Variants in FAM13A observed in about 807,000 individuals in gnomAD.
The protein encoded by FAM13A is family with sequence similarity 13 member A.
Under a neutral mutation model 129.6 loss-of-function variants are expected in FAM13A, and 76 were observed. That is an observed-to-expected ratio of 0.59 (90% CI 0.49 to 0.71). FAM13A has a LOEUF of 0.71. FAM13A is among the 30% of genes least tolerant of loss of function. FAM13A has a pLI of 0.00. For missense variants in FAM13A, 1,108 were observed against 1,249.3 expected (o/e 0.89, Z 1.70); for synonymous variants, 443 against 449.9 (o/e 0.98, Z 0.20).
chr4:88,932,661 T>C (rs567991133), intron 5 of FAM13A, among the ~76,000 whole-genome samples: 1 of 152,366 alleles, frequency 6.6e-6, no homozygotes, highest in East Asian at 1.9e-4. Context: ...AGGAAGTTTC[T>C]GTGATATATC....
rs186831078 is a variant in FAM13A, at chr4:88,944,877, T to C, written c.606-6636A>G. The stretch of plus-strand genomic sequence containing the variant: ...GAGATCATGCCACTGCACTCCAGCC[T>C]CGGCAACAAGAGCGAAACTCTGTCT... On this transcript the variant is annotated intron_variant, in intron 4 of 23. Coordinates refer to ENST00000264344, the MANE Select transcript of FAM13A (RefSeq NM_014883.4). Among the ~76,000 whole-genome samples, 299 of 149,750 alleles carry C rather than the reference T, an allele frequency of 2.0e-3. 1 individual carries two copies. Among genetic ancestry groups the C allele is most frequent in the Admixed American group, 5.6e-3 (83 of 14,926 alleles).
At chr4:88,838,073 C>G (rs1735134900) in intron 7 of FAM13A, among the ~76,000 whole-genome samples, 1 of 152,038 alleles carries the variant, frequency 6.6e-6, no homozygotes, top group Non-Finnish European at 1.5e-5. Context: ...TATAAGTAAT[C>G]TAGAGATGAT....
At chr4:88,988,302 A>G (rs1216748824) in intron 4 of FAM13A, among the ~76,000 whole-genome samples, 1 of 152,206 alleles carries the variant, frequency 6.6e-6, no homozygotes, top group Non-Finnish European at 1.5e-5. Context: ...AACCAAGTAG[A>G]ATGGATGAAG....
At chr4:88,861,380 CAA>C (rs373411738) in intron 6 of FAM13A, among the ~76,000 whole-genome samples, 30,191 of 83,188 alleles carry the variant, frequency 0.36, 2,977 homozygotes, top group East Asian at 0.42. Context: ...GACTCCGTCT[CAA>C]AAAAAAAAAA....
chr4:88,770,520 G>A (rs1427511458), intron 11 of FAM13A, among the ~76,000 whole-genome samples: 2 of 151,872 alleles, frequency 1.3e-5, no homozygotes, highest in African/African-American at 4.8e-5. Flanking sequence ...TCAGATCAAG[G>A]CTAAGAAATA....
At chr4:88,824,014 TA>T (rs1414369071) in intron 7 of FAM13A, among the ~76,000 whole-genome samples, 4 of 152,220 alleles carry the variant, frequency 2.6e-5, no homozygotes, top group African/African-American at 9.6e-5. Context: ...TATTTTTTTT[TA>T]TAGGTAACAC....
chr4:88,863,874 G>A (rs1339859816), intron 6 of FAM13A, among the ~76,000 whole-genome samples: 4 of 152,144 alleles, frequency 2.6e-5, no homozygotes, highest in African/African-American at 4.8e-5. Context: ...AGTCATCAGG[G>A]TAAGTTTCCA....
chr4:89,037,780 A>T (rs1769582146), intron 1 of FAM13A, among the ~76,000 whole-genome samples: 1 of 152,046 alleles, frequency 6.6e-6, no homozygotes, highest in African/African-American at 2.4e-5. Flanking sequence ...TTCTCACAAG[A>T]TCTGGTTGTT....
chr4:88,924,699 C>G (rs1174553067), intron 5 of FAM13A, among the ~76,000 whole-genome samples: 4 of 152,062 alleles, frequency 2.6e-5, no homozygotes, highest in Admixed American at 1.3e-4. Context: ...CCAAAATTGA[C>G]AAATGGGATC....
chr4:89,016,786 C>T (rs368006129), intron 3 of FAM13A, among the ~76,000 whole-genome samples: 16 of 152,100 alleles, frequency 1.1e-4, no homozygotes, highest in African/African-American at 3.9e-4. Context: ...AGGTGCATGC[C>T]TCCACGCCCT....
At chr4:88,938,478 A>G (rs1375655689) in intron 4 of FAM13A, among the ~76,000 whole-genome samples, 1 of 152,224 alleles carries the variant, frequency 6.6e-6, no homozygotes, top group Non-Finnish European at 1.5e-5. Context: ...GGAAGAAGAT[A>G]GAGATGAACA....
intron 7 of FAM13A, among the ~76,000 whole-genome samples, chr4:88,841,004 AAAATGGATCAAAGACCT>A (rs147500033): frequency 0.29 from 41,792 of 143,518 alleles, 6,713 homozygotes; most frequent in African/African-American, 0.46. Flanking sequence ...ATCAAAGACC[AAAATGGATCAAAGACCT>A]AAATGGATCA....
intron 10 of FAM13A, among the ~76,000 whole-genome samples, chr4:88,785,154 A>AT (rs1723715530): frequency 6.6e-6 from 1 of 152,134 alleles, no homozygotes; most frequent in African/African-American, 2.4e-5. Flanking sequence ...CTTCAAGAAT[A>AT]TTTTTTAATT....
At chr4:88,794,588 CTT>C (rs1725787132) in intron 8 of FAM13A, among the ~76,000 whole-genome samples, 1 of 151,810 alleles carries the variant, frequency 6.6e-6, no homozygotes, top group Admixed American at 6.6e-5. Flanking sequence ...CATGTGTTCT[CTT>C]TTCTGTGCGT....
chr4:88,750,668 G>C (rs762303600), intron 14 of FAM13A, 31 bp from the exon 15 acceptor site: 1 of 1,520,196 alleles, frequency 6.6e-7, no homozygotes, highest in South Asian at 1.1e-5. Context: ...GATCAGGACT[G>C]TTCCTGAAAG....
chr4:88,837,443 C>T (rs896878379), intron 7 of FAM13A, among the ~76,000 whole-genome samples: 19 of 150,598 alleles, frequency 1.3e-4, no homozygotes, highest in Middle Eastern at 3.5e-3. Context: ...TTGCCGGGCA[C>T]GGTGGCTCAC....
chr4:88,756,658 G>A (rs567185798), intron 14 of FAM13A, among the ~76,000 whole-genome samples: 1 of 152,168 alleles, frequency 6.6e-6, no homozygotes, highest in African/African-American at 2.4e-5. Context: ...ACAAATTCGT[G>A]CAAAGTTTAT....
intron 6 of FAM13A, among the ~76,000 whole-genome samples, chr4:88,857,696 G>A (rs1738780155): frequency 1.3e-5 from 2 of 150,456 alleles, no homozygotes; most frequent in South Asian, 4.2e-4. Context: ...GGTTCACAGT[G>A]TGGCCCAAGC....
chr4:89,023,786 GAGA>G (rs1372789174), intron 2 of FAM13A, among the ~76,000 whole-genome samples: 1 of 152,170 alleles, frequency 6.6e-6, no homozygotes, highest in Admixed American at 6.5e-5. Flanking sequence ...ATCACATTCT[GAGA>G]AGAAGAATCC....
Sources: gnomAD v4.1 joint callset for allele counts (sites outside exome capture counted in the v4.1 genomes callset) on GRCh38, gnomAD v4.1.1 for gene constraint, MANE v1.5 for transcripts, NCBI Gene and HGNC (gene_info 2026-07-23, HGNC 2026-07-21) for gene names.